RTF1: variants seen among roughly 807,000 people sequenced by gnomAD.
RTF1 encodes the protein RTF1 homolog, Paf1/RNA polymerase II complex component.
A neutral mutation model predicts 95.7 loss-of-function variants in RTF1; 10 were observed. That is an observed-to-expected ratio of 0.10 (90% CI 0.06 to 0.18). The LOEUF is 0.18. Among genes scored for constraint, RTF1 ranks in the 10% least tolerant of loss-of-function variants. The pLI, the probability that RTF1 is intolerant of heterozygous loss-of-function variation, is 1.00. For missense variants in RTF1, 458 were observed against 875.6 expected, an observed-to-expected ratio of 0.52 and a Z score of 6.02; for synonymous variants, 305 against 311.8, an observed-to-expected ratio of 0.98 and a Z score of 0.23.
intron 17 of RTF1, 50 bp from the exon 18 acceptor site, chr15:41,480,531 A>G: frequency 1.5e-6 from 2 of 1,351,866 alleles, no homozygotes; most frequent in South Asian, 2.3e-5. Flanking sequence ...GCACAGGACT[A>G]AGAGGACTTT....
intron 2 of RTF1, among the ~76,000 whole-genome samples, chr15:41,439,343 T>G (rs1482142611): frequency 1.3e-5 from 2 of 152,156 alleles, no homozygotes; most frequent in East Asian, 3.9e-4. Flanking sequence ...CTCTCTTTTT[T>G]CTTTTTGAGT....
intron 2 of RTF1, among the ~76,000 whole-genome samples, chr15:41,446,335 T>C (rs1293082892): frequency 2.0e-5 from 3 of 151,870 alleles, no homozygotes; most frequent in Admixed American, 2.0e-4. Context: ...CTTTGGGAGG[T>C]TGAGGCGGGC....
At chr15:41,429,362 G>T (rs1194135029) in intron 1 of RTF1, among the ~76,000 whole-genome samples, 1 of 151,868 alleles carries the variant, frequency 6.6e-6, no homozygotes, top group African/African-American at 2.4e-5. Flanking sequence ...TGCGACTGCT[G>T]TGGGTTCCTT....
chr15:41,432,756 G>A (rs2050681758), intron 1 of RTF1, among the ~76,000 whole-genome samples: 1 of 151,482 alleles, frequency 6.6e-6, no homozygotes, highest in South Asian at 2.1e-4. Context: ...TGGCTAATGT[G>A]GTGAAACCCT....
chr15:41,423,878 A>C (rs1163336535), intron 1 of RTF1, among the ~76,000 whole-genome samples: 2 of 151,696 alleles, frequency 1.3e-5, no homozygotes, highest in African/African-American at 4.8e-5. Context: ...TCAGCCTCCC[A>C]AGTAGCTGGG....
intron 5 of RTF1, among the ~76,000 whole-genome samples, chr15:41,465,512 A>T (rs961175855): frequency 1.5e-4 from 23 of 152,162 alleles, no homozygotes; most frequent in African/African-American, 5.3e-4. Flanking sequence ...GTGGTGGCTT[A>T]TGCCTTTAAT....
intron 6 of RTF1, among the ~76,000 whole-genome samples, chr15:41,467,485 T>G (rs1325062274): frequency 1.3e-5 from 2 of 151,876 alleles, no homozygotes; most frequent in Non-Finnish European, 2.9e-5. Flanking sequence ...GAGGCCAAGG[T>G]GGGCGGATCA....
intron 15 of RTF1, chr15:41,478,893 C>G: frequency 1.7e-6 from 1 of 602,774 alleles, no homozygotes; most frequent in South Asian, 2.0e-5. Context: ...TAATGTGTCC[C>G]TTAGCTAGGG....
chr15:41,419,063 T>C (rs1332097708), intron 1 of RTF1, among the ~76,000 whole-genome samples: 1 of 152,144 alleles, frequency 6.6e-6, no homozygotes, highest in African/African-American at 2.4e-5. Context: ...ATCTAAGGAA[T>C]AGAAACTTTG....
intron 8 of RTF1, among the ~76,000 whole-genome samples, 190 bp from the exon 9 acceptor site, chr15:41,474,430 A>G (rs2050931800): frequency 6.6e-6 from 1 of 152,214 alleles, no homozygotes; most frequent in African/African-American, 2.4e-5. Context: ...CCTCCTGGGC[A>G]CAAGGCTCCC....
Position 41,420,466 on chromosome 15 carries a change from T to G in RTF1, c.198+3153T>G, listed in dbSNP as rs372484401. ...TAGGAATCCTAATGCATTCTGGATC[T>G]TTCCTGCCCCAAATACCTTGTGCTG... On this transcript the variant is annotated intron_variant, in intron 1 of 17. Coordinates refer to ENST00000389629, the MANE Select transcript of RTF1 (RefSeq NM_015138.5). Among the ~76,000 whole-genome samples the G allele has an allele frequency of 2.0e-5, 3 of 152,174 alleles. No homozygotes were observed. The South Asian group carries it at 6.2e-4, about 32-fold the overall frequency.
intron 1 of RTF1, among the ~76,000 whole-genome samples, chr15:41,435,383 T>G (rs562181340): frequency 5.0e-4 from 76 of 152,040 alleles, no homozygotes; most frequent in African/African-American, 1.7e-3. Flanking sequence ...GTTTTGTTTT[T>G]TTTTTTATAG....
intron 4 of RTF1, among the ~76,000 whole-genome samples, chr15:41,461,441 CA>C (rs2140962515): frequency 6.6e-6 from 1 of 152,240 alleles, no homozygotes; most frequent in Non-Finnish European, 1.5e-5. Flanking sequence ...CTTGGCCTCC[CA>C]AAGTGCTGGG....
rs1351502705 is a variant in RTF1, at chr15:41,482,984, A to G, written c.*2297A>G. 1 of 152,704 alleles carries G rather than the reference A, an allele frequency of 6.5e-6. No homozygotes were observed. The highest frequency in any genetic ancestry group is 1.5e-5 in the Non-Finnish European group (1 of 68,038). The allele number at this position is 152,704 out of a possible 1,614,324, so 9.5% of individuals were successfully genotyped here. ...ATAAAATTTTTATTAAAACTGCATC[A>G]CACTGTAGCCACTTTGCCACCACCT... On this transcript the variant is annotated 3_prime_UTR_variant, in exon 18 of 18. Coordinates refer to ENST00000389629, the MANE Select transcript of RTF1 (RefSeq NM_015138.5).
chr15:41,435,662 AGTT>A (rs1323991784), intron 1 of RTF1, among the ~76,000 whole-genome samples: 3 of 152,222 alleles, frequency 2.0e-5, no homozygotes, highest in Non-Finnish European at 4.4e-5. Flanking sequence ...CAAGAGAGTC[AGTT>A]GTTTAATCTG....
intron 9 of RTF1, among the ~76,000 whole-genome samples, 180 bp from the exon 10 acceptor site, chr15:41,475,345 G>A (rs1470056549): frequency 2.0e-5 from 3 of 152,208 alleles, no homozygotes; most frequent in Admixed American, 2.0e-4. Context: ...TCCAGTGCTA[G>A]CTTTGGGATC....
rs954677053 is a variant in RTF1, at chr15:41,417,170, G to A, written c.55G>A (p.Val19Ile). 1.6e-6 allele frequency: 2 copies of A among 1,262,792 alleles called. No homozygotes were observed. The highest frequency in any genetic ancestry group is 4.2e-5 in the Admixed American group (1 of 23,846). The allele number at this position is 1,262,792 out of a possible 1,614,324, so 78.2% of individuals were successfully genotyped here. A position where few individuals can be genotyped will look rare whatever the true frequency, so the allele number is the denominator to read the frequency against. ...RAAAAAAAVA[V>I]PLAGGQEGSP... ...AGCGGCGGCGGCGGCGGCAGTGGCG[G>A]TCCCACTGGCAGGCGGGCAAGAGGG... is the stretch of plus-strand genomic sequence containing the variant. Residue 19 changes from valine (V) to isoleucine (I), a missense_variant, in exon 1 of 18, where the codon GTC (valine) becomes ATC (isoleucine). By Grantham distance (29) the Val-to-Ile change is conservative. Transcript: ENST00000389629.
At chr15:41,480,167 C>A in intron 16 of RTF1, 47 bp from the exon 17 acceptor site, 5 of 1,229,532 alleles carry the variant, frequency 4.1e-6, no homozygotes, top group South Asian at 2.4e-5. Flanking sequence ...GCTTGAAATC[C>A]ACTTGCATTT....
chr15:41,439,311 G>A (rs1297994039), intron 2 of RTF1, among the ~76,000 whole-genome samples: 1 of 152,082 alleles, frequency 6.6e-6, no homozygotes, highest in Middle Eastern at 3.2e-3. Context: ...TGGGATTACA[G>A]GTGTGAGCCA....
Sources: gnomAD v4.1 joint callset for allele counts (sites outside exome capture counted in the v4.1 genomes callset) on GRCh38, gnomAD v4.1.1 for gene constraint, MANE v1.5 for transcripts, NCBI Gene and HGNC (gene_info 2026-07-23, HGNC 2026-07-21) for gene names.